Variants in MCF2L observed in about 807,000 individuals in gnomAD.
The protein encoded by MCF2L is guanine nucleotide exchange factor DBS.
MCF2L carries 97 observed loss-of-function variants against 153.4 expected under a neutral mutation model. The ratio of observed to expected loss-of-function variants is 0.63; its 90% CI spans 0.54 to 0.75. The LOEUF is 0.75. Ranked by LOEUF, MCF2L falls within the 30% of genes least tolerant of loss-of-function variation. The probability of loss-of-function intolerance (pLI) is 0.00; values close to 1 mark genes in which losing one functional copy is unlikely to be tolerated. For synonymous variants in MCF2L, 659 were observed against 632.2 expected (o/e 1.04, Z -0.64); for missense variants, 1,347 against 1,495.2 (o/e 0.90, Z 1.64).
At chr13:112,920,100 A>G (rs1315604510) in intron 2 of MCF2L, among the ~76,000 whole-genome samples, 1 of 142,276 alleles carries the variant, frequency 7.0e-6, no homozygotes, top group Non-Finnish European at 1.6e-5. Flanking sequence ...AGTTAGAATC[A>G]GGAAGGTTAC....
At chr13:112,911,473 G>C (rs1483704431) in intron 2 of MCF2L, among the ~76,000 whole-genome samples, 2 of 152,232 alleles carry the variant, frequency 1.3e-5, no homozygotes, top group African/African-American at 4.8e-5. Flanking sequence ...CCGCCATGTT[G>C]GCCGTGATCC....
chr13:112,905,591 C>T (rs1457455545), intron 2 of MCF2L, among the ~76,000 whole-genome samples: 3 of 152,140 alleles, frequency 2.0e-5, no homozygotes, highest in Non-Finnish European at 2.9e-5. Flanking sequence ...GCCCCCAGCT[C>T]GACACCCACC....
intron 2 of MCF2L, among the ~76,000 whole-genome samples, chr13:112,955,473 A>G (rs1234029272): frequency 6.6e-6 from 1 of 152,172 alleles, no homozygotes; most frequent in Non-Finnish European, 1.5e-5. Flanking sequence ...TGCTCACCAC[A>G]TGCCCGGTTA....
At chr13:113,057,529 T>G (rs1362798040) in intron 4 of MCF2L, among the ~76,000 whole-genome samples, 2 of 147,744 alleles carry the variant, frequency 1.4e-5, no homozygotes, top group Non-Finnish European at 3.0e-5. Context: ...GTTTGGGTGC[T>G]GAGTGTTTAG....
Position 113,045,205 on chromosome 13 carries a change from G to T in MCF2L, c.279-66G>T. 1 of 1,290,296 alleles carries T rather than the reference G, an allele frequency of 7.8e-7. No homozygotes were observed. Among genetic ancestry groups the T allele is most frequent in the Non-Finnish European group, 1.1e-6 (1 of 885,328 alleles). 79.9% of individuals were successfully genotyped at this position (1,290,296 alleles called of 1,614,324 possible). A position where few individuals can be genotyped will look rare whatever the true frequency, so the allele number is the denominator to read the frequency against. ...ATCGCTCTCCCAAGAGGTTTTCTGA[G>T]GGATTTCGTGGGCAGCCGGCTTCCC... On this transcript the variant is annotated intron_variant, in intron 3 of 29. Coordinates refer to ENST00000535094, the MANE Select transcript of MCF2L (RefSeq NM_001112732.3). This position sits in a 1 kb window ranked among gnomAD's most constrained non-coding sequence, Gnocchi z 4.2.
At chr13:113,089,926 T>C in intron 26 of MCF2L, 198 bp downstream of exon 26, 1 of 1,599,494 alleles carries the variant, frequency 6.3e-7, no homozygotes, top group Non-Finnish European at 8.5e-7. Context: ...TCTGCACCCC[T>C]GCATCAGCAA....
intron 25 of MCF2L, 131 bp downstream of exon 25, chr13:113,088,759 GT>G: frequency 1.1e-6 from 1 of 909,364 alleles, no homozygotes; most frequent in Non-Finnish European, 1.7e-6. Context: ...GGCCCCTGGT[GT>G]TTATGTGCTG....
Position 113,096,377 on chromosome 13 carries a change from G to T in MCF2L, c.3082G>T (p.Gly1028Cys), listed in dbSNP as rs750439970. The T allele has an allele frequency of 1.0e-5, 16 of 1,577,940 alleles. 1 individual carries two copies. The South Asian group carries it at 1.9e-4, about 18-fold the overall frequency. The change falls in exon 28 of 30, where the codon GGT (glycine) becomes TGT (cysteine). Residue 1028 changes from glycine (G) to cysteine (C), a missense_variant. This residue lies in a region of MCF2L where 383 missense variants were observed against 335.4 expected (regional missense o/e 1.14). Coordinates refer to ENST00000535094, the MANE Select transcript of MCF2L (RefSeq NM_001112732.3). ...GGLGPKKLVP[G>C]KYTVVADHEK... ...CCTGCCCGTCTCCCACCAGGTTCCA[G>T]GTAAATACACGGTCGTGGCGGACCA...
chr13:112,979,657 A>T, intron 1 of MCF2L: 1 of 1,612,842 alleles, frequency 6.2e-7, no homozygotes, highest in African/African-American at 1.3e-5. Context: ...CCTTTGTGAC[A>T]GGGCGGTTCG....
chr13:113,063,391 A>G (rs997856861), intron 5 of MCF2L, among the ~76,000 whole-genome samples: 1 of 151,372 alleles, frequency 6.6e-6, no homozygotes, highest in African/African-American at 2.5e-5. Flanking sequence ...CTGTCCACAC[A>G]GCTGCCCACG....
Position 112,983,783 on chromosome 13 carries a change from C to T in MCF2L, c.79+14325C>T, listed in dbSNP as rs188912169. Among the ~76,000 whole-genome samples, 39 of 152,324 alleles carry T rather than the reference C, an allele frequency of 2.6e-4. No individual in the cohort carries two copies. In the East Asian group the frequency reaches 6.8e-3, roughly 26 times the overall value. ...CTGCCTGGCTTCCTCCTCCTCCACC[C>T]GTCCACCTGTGTGTCTGGGTCAGGC... On this transcript the variant is annotated intron_variant, in intron 1 of 29. Transcript: ENST00000535094. The surrounding 1 kb of genome is among the most constrained non-coding windows in gnomAD (Gnocchi z 4.0).
At chr13:112,937,481 A>G (rs1418108695) in intron 2 of MCF2L, among the ~76,000 whole-genome samples, 1 of 152,218 alleles carries the variant, frequency 6.6e-6, no homozygotes, top group Non-Finnish European at 1.5e-5. Context: ...AAGTTCTTTG[A>G]AAAGGAGTTT....
upstream of MCF2L, among the ~76,000 whole-genome samples, chr13:112,966,598 C>G (rs962020016): frequency 6.6e-6 from 1 of 152,178 alleles, no homozygotes; most frequent in Non-Finnish European, 1.5e-5. The surrounding 1 kb of genome is among the most constrained non-coding windows in gnomAD (Gnocchi z 4.1). Context: ...ACCACAGAGA[C>G]CAAGGGTCTC....
intron 4 of MCF2L, among the ~76,000 whole-genome samples, chr13:113,059,410 G>C (rs1057396250): frequency 2.0e-5 from 3 of 152,200 alleles, no homozygotes; most frequent in Non-Finnish European, 4.4e-5. Context: ...TCCTCCTCTA[G>C]TCCTTGCTGC....
Position 112,960,167 on chromosome 13 carries a change from T to A in MCF2L, c.170-54596T>A, listed in dbSNP as rs1000774770. The stretch of plus-strand genomic sequence containing the variant: ...TAATTTACACACAATGGAAGTTTAG[T>A]TGGCTCATGGTCCTGGAGGCTTGGA... On this transcript the variant is annotated intron_variant, in intron 2 of 29. Coordinates refer to the MCF2L transcript ENST00000375608. This position sits in a 1 kb window ranked among gnomAD's most constrained non-coding sequence, Gnocchi z 4.2. Among the ~76,000 whole-genome samples the A allele has an allele frequency of 6.6e-6, 1 of 152,246 alleles. No homozygotes were observed. Among genetic ancestry groups the A allele is most frequent in the Admixed American group, 6.5e-5 (1 of 15,290 alleles).
At chr13:113,077,342 G>A (rs568762627) in intron 13 of MCF2L, 131 bp downstream of exon 13, 45 of 1,110,890 alleles carry the variant, frequency 4.1e-5, no homozygotes, top group Non-Finnish European at 4.8e-5. Flanking sequence ...TTCCACCTCC[G>A]GGCCCCAGTT....
At chr13:113,025,835 G>A (rs111993330) in intron 3 of MCF2L, among the ~76,000 whole-genome samples, 1 of 149,280 alleles carries the variant, frequency 6.7e-6, no homozygotes. Flanking sequence ...CAGAGTCTCT[G>A]TGAGGTTTCA....
intron 4 of MCF2L, among the ~76,000 whole-genome samples, chr13:113,055,369 A>C (rs1161798909): frequency 0.023 from 201 of 8,920 alleles, 11 homozygotes; most frequent in African/African-American, 0.067. Context: ...GGAGACGTGG[A>C]CCCCCCCCCC....
chr13:112,982,556 G>T (rs1340033806), intron 1 of MCF2L, among the ~76,000 whole-genome samples: 1 of 152,178 alleles, frequency 6.6e-6, no homozygotes, highest in Admixed American at 6.5e-5. Flanking sequence ...GCGGAGGAGG[G>T]TGTGCGCCAC....
Sources: allele counts gnomAD v4.1 joint callset (sites outside exome capture counted in the v4.1 genomes callset), GRCh38; gene constraint gnomAD v4.1.1; regional missense constraint gnomAD v4.1.1; non-coding constraint Gnocchi (gnomAD v3.1); transcripts MANE v1.5; gene names NCBI Gene and HGNC (gene_info 2026-07-23, HGNC 2026-07-21).